The following ASTN2 variants were observed in gnomAD, a reference collection of about 807,000 sequenced individuals.
ASTN2 encodes the protein astrotactin 2, also known as astrotactin-2.
Under a neutral mutation model 139.8 loss-of-function variants are expected in ASTN2, and 54 were observed. The observed-to-expected ratio is 0.39, with a 90% CI of 0.31 to 0.48. ASTN2 has a LOEUF of 0.48. Among genes scored for constraint, ASTN2 ranks in the 20% least tolerant of loss-of-function variants. The pLI is 0.95. For missense variants in ASTN2, 1,565 were observed against 1,725.1 expected, an observed-to-expected ratio of 0.91 and a Z score of 1.64; for synonymous variants, 756 against 719.5, an observed-to-expected ratio of 1.05 and a Z score of -0.81.
At chr9:116,985,699 G>T (rs544235854) in intron 7 of ASTN2, among the ~76,000 whole-genome samples, 1 of 152,238 alleles carries the variant, frequency 6.6e-6, no homozygotes, top group African/African-American at 2.4e-5. Flanking sequence ...GCCTGGAATG[G>T]ACACAGAGCA....
At chr9:116,965,926 A>T (rs1236336780) in intron 10 of ASTN2, among the ~76,000 whole-genome samples, 1 of 152,198 alleles carries the variant, frequency 6.6e-6, no homozygotes, top group Non-Finnish European at 1.5e-5. Context: ...AATGGGAGAT[A>T]AAAATAGCTT....
At chr9:117,124,919 C>T (rs898600671) in intron 4 of ASTN2, among the ~76,000 whole-genome samples, 2 of 152,078 alleles carry the variant, frequency 1.3e-5, no homozygotes, top group African/African-American at 4.8e-5. Flanking sequence ...AGTCTACTCA[C>T]CTGTGAAGGC....
In ASTN2 at chr9:116,805,607, C is replaced by A. The variant is rs753700429; in HGVS notation, c.2396+25G>T. 33 of 1,604,508 alleles carry A rather than the reference C, an allele frequency of 2.1e-5. No individual in the cohort carries two copies. In the Admixed American group the frequency reaches 5.5e-4, roughly 27 times the overall value. ...GTTGTTTGTCAGTGACTCAGACAAG[C>A]AATGTGCAAGTATCTACAGCATACC... On this transcript the variant is annotated intron_variant, in intron 13 of 22. Coordinates refer to ENST00000313400, the MANE Select transcript of ASTN2 (RefSeq NM_001365068.1).
intron 13 of ASTN2, among the ~76,000 whole-genome samples, chr9:116,770,473 T>C (rs1330834481): frequency 2.0e-5 from 3 of 152,168 alleles, no homozygotes; most frequent in African/African-American, 7.2e-5. Flanking sequence ...CTATTTCCCC[T>C]TCATCCTGAG....
intron 16 of ASTN2, among the ~76,000 whole-genome samples, chr9:116,721,646 G>A (rs1248087048): frequency 6.6e-6 from 1 of 152,082 alleles, no homozygotes; most frequent in Non-Finnish European, 1.5e-5. Context: ...GAGCTTCCAG[G>A]GATGACTTTG....
chr9:116,968,802 G>A (rs182291831), intron 10 of ASTN2, among the ~76,000 whole-genome samples: 1 of 151,546 alleles, frequency 6.6e-6, no homozygotes, highest in East Asian at 2.0e-4. Context: ...TGGAGGGTGA[G>A]GCAGGAGAAT....
chr9:117,323,695 C>A (rs976457948), intron 1 of ASTN2, among the ~76,000 whole-genome samples: 1 of 152,252 alleles, frequency 6.6e-6, no homozygotes, highest in Middle Eastern at 3.4e-3. Flanking sequence ...TGAAATATGT[C>A]CAGGATTCAC....
chr9:116,452,353 G>A (rs999545703), intron 20 of ASTN2, among the ~76,000 whole-genome samples: 8 of 152,214 alleles, frequency 5.3e-5, no homozygotes, highest in African/African-American at 1.9e-4. Context: ...GAGAGGCAGA[G>A]GATATGATGT....
chr9:117,232,954 G>A (rs1047337818), intron 2 of ASTN2, among the ~76,000 whole-genome samples: 1 of 150,198 alleles, frequency 6.7e-6, no homozygotes, highest in Non-Finnish European at 1.5e-5. Context: ...CTTTCAATCT[G>A]TTGTTCCTTC....
At chr9:117,175,542 A>G (rs1830895251) in intron 3 of ASTN2, among the ~76,000 whole-genome samples, 1 of 152,176 alleles carries the variant, frequency 6.6e-6, no homozygotes, top group Non-Finnish European at 1.5e-5. Flanking sequence ...AAGATATTAC[A>G]AAACCATAAT....
intron 19 of ASTN2, among the ~76,000 whole-genome samples, chr9:116,567,372 C>T (rs1853287959): frequency 6.6e-6 from 1 of 152,194 alleles, no homozygotes; most frequent in African/African-American, 2.4e-5. Context: ...GACAGCCCTC[C>T]CCAGTTTTTC....
At chr9:116,482,857 G>T (rs1849218593) in intron 20 of ASTN2, among the ~76,000 whole-genome samples, 1 of 152,208 alleles carries the variant, frequency 6.6e-6, no homozygotes, top group African/African-American at 2.4e-5. Flanking sequence ...GTGAGGGCGG[G>T]TCTGGGGCAA....
chr9:116,979,989 G>A (rs1836461955), intron 7 of ASTN2, among the ~76,000 whole-genome samples: 1 of 152,096 alleles, frequency 6.6e-6, no homozygotes, highest in African/African-American at 2.4e-5. Context: ...ATTAATTACT[G>A]ATGCTCATTA....
At chr9:116,832,556 T>G (rs958830257) in intron 11 of ASTN2, among the ~76,000 whole-genome samples, 2 of 152,134 alleles carry the variant, frequency 1.3e-5, no homozygotes, top group African/African-American at 2.4e-5. Context: ...TTTTGAAAGT[T>G]TTAAAAATCA....
At chr9:116,867,523 C>A (rs1443555167) in intron 10 of ASTN2, among the ~76,000 whole-genome samples, 2 of 133,752 alleles carry the variant, frequency 1.5e-5, no homozygotes. Context: ...GCACTCCAGC[C>A]TGGGCGACAG....
chr9:116,716,364 G>T (rs1828315067), intron 16 of ASTN2, among the ~76,000 whole-genome samples: 1 of 152,132 alleles, frequency 6.6e-6, no homozygotes, highest in African/African-American at 2.4e-5. Context: ...GGGAGGCTTT[G>T]GCAACAGGTA....
intron 22 of ASTN2, among the ~76,000 whole-genome samples, chr9:116,428,465 A>T (rs1847380623): frequency 6.6e-6 from 1 of 152,122 alleles, no homozygotes; most frequent in African/African-American, 2.4e-5. Context: ...CGGAGGTTAC[A>T]GTGAACCAAG....
At chr9:116,811,468 G>T (rs1384808624) in intron 12 of ASTN2, among the ~76,000 whole-genome samples, 2 of 152,102 alleles carry the variant, frequency 1.3e-5, no homozygotes, top group Non-Finnish European at 2.9e-5. Flanking sequence ...TAATATTACT[G>T]CATTTTTAGA....
intron 5 of ASTN2, among the ~76,000 whole-genome samples, chr9:117,080,567 G>A (rs1271701260): frequency 6.6e-6 from 1 of 151,738 alleles, no homozygotes; most frequent in Non-Finnish European, 1.5e-5. Context: ...AATGGGGATG[G>A]GGAAAAAATG....
Sources: gnomAD v4.1 joint callset for allele counts (sites outside exome capture counted in the v4.1 genomes callset) on GRCh38, gnomAD v4.1.1 for gene constraint, MANE v1.5 for transcripts, NCBI Gene and HGNC (gene_info 2026-07-23, HGNC 2026-07-21) for gene names.